The following FLT1 variants were observed in gnomAD, a reference collection of about 807,000 sequenced individuals.
FLT1 encodes the protein vascular endothelial growth factor receptor 1.
Under a neutral mutation model 156.3 loss-of-function variants are expected in FLT1, and 49 were observed. The observed-to-expected ratio is 0.31, with a 90% CI of 0.25 to 0.40. The LOEUF (loss-of-function observed/expected upper bound fraction) is 0.40. FLT1 is among the 10% of genes least tolerant of loss of function. The pLI is 1.00. For missense variants in FLT1, 1,322 were observed against 1,637.2 expected (o/e 0.81, Z 3.32); for synonymous variants, 594 against 583.8 (o/e 1.02, Z -0.25).
chr13:28,492,685 C>T lies in FLT1; in HGVS notation c.64+2095G>A, dbSNP rs146659196. 2.1e-3 allele frequency among the ~76,000 whole-genome samples: 313 copies of T among 152,266 alleles called. 1 individual carries two copies. Among genetic ancestry groups the T allele is most frequent in the Admixed American group, 3.0e-3 (46 of 15,284 alleles). Reference sequence around the variant, plus strand: ...GCAAGAGAACTCTGCAGTGGGGAACCGTGGCTTCTTACTAGACATTGCTTC... The same window carrying T: ...GCAAGAGAACTCTGCAGTGGGGAACTGTGGCTTCTTACTAGACATTGCTTC... On this transcript the variant is annotated intron_variant, in intron 1 of 29. Coordinates refer to ENST00000282397, the MANE Select transcript of FLT1 (RefSeq NM_002019.4).
intron 10 of FLT1, among the ~76,000 whole-genome samples, chr13:28,412,350 C>CTTT (rs71086853): frequency 2.2e-4 from 21 of 93,792 alleles, no homozygotes; most frequent in Middle Eastern, 5.1e-3. Context: ...TTCTTTCTTT[C>CTTT]TCTTTCTTTC....
chr13:28,481,054 CTCAT>C (rs1447389464), intron 1 of FLT1, among the ~76,000 whole-genome samples: 2 of 152,218 alleles, frequency 1.3e-5, no homozygotes, highest in Non-Finnish European at 2.9e-5. Flanking sequence ...CCAAAATGTT[CTCAT>C]TCCAGGTGAC....
At chr13:28,374,782 A>G (rs958376114) in intron 14 of FLT1, among the ~76,000 whole-genome samples, 2 of 151,940 alleles carry the variant, frequency 1.3e-5, no homozygotes, top group African/African-American at 2.4e-5. Flanking sequence ...CAAAGTGCTG[A>G]GATTACAGTT....
rs755860865 is a variant in FLT1 at position 28,430,076 on chromosome 13, C to T, written c.1080G>A (p.Lys360=). 1.2e-6 allele frequency: 2 copies of T among 1,613,266 alleles called. No homozygotes were observed. The highest frequency in any genetic ancestry group is 1.7e-6 in the Non-Finnish European group (2 of 1,179,232). Residue 360 remains lysine (K), a synonymous_variant, in exon 8 of 30, where the codon AAG becomes AAA. Coordinates refer to ENST00000282397, the MANE Select transcript of FLT1 (RefSeq NM_002019.4). ...ATACAACTTCCGGCGAGGGAAATGCCTTCACTTTCATAGAGAGCCGGTAAG... is the reference window on the plus strand; with the variant it reads ...ATACAACTTCCGGCGAGGGAAATGCTTTCACTTTCATAGAGAGCCGGTAAG... The part of the protein sequence containing the change: ...KRSYRLSMKV[K]AFPSPEVVWL...
chr13:28,390,095 T>C lies in FLT1; in HGVS notation c.1670A>G (p.Asn557Ser), dbSNP rs1220519097. 1 of 1,613,432 alleles carries C rather than the reference T, an allele frequency of 6.2e-7. No individual in the cohort carries two copies. Among genetic ancestry groups the C allele is most frequent in the East Asian group, 2.2e-5 (1 of 44,888 alleles). Residue 557 changes from asparagine to serine, a missense_variant, in exon 13 of 30, where the codon AAT becomes AGT. Asn to Ser is a conservative substitution (Grantham distance 46). Around this residue, in one of 3 missense-constraint regions of FLT1, gnomAD observed 991 missense variants for 1,254.8 expected, o/e 0.79. Coordinates refer to ENST00000282397, the MANE Select transcript of FLT1 (RefSeq NM_002019.4). ...NISFYITDVP[N>S]GFHVNLEKMP... ...TTTTTCCAAGTTAACATGAAACCCA[T>C]TTGGCACATCTATAAAATAAGAATA...
At chr13:28,383,589 G>T (rs1269221493) in intron 14 of FLT1, among the ~76,000 whole-genome samples, 1 of 152,128 alleles carries the variant, frequency 6.6e-6, no homozygotes, top group Admixed American at 6.5e-5. Flanking sequence ...CGTGACCTGG[G>T]TGGTAGAGCT....
At chr13:28,444,849 TAAA>T (rs1439444529) in intron 3 of FLT1, among the ~76,000 whole-genome samples, 978 of 10,084 alleles carry the variant, frequency 0.097, 14 homozygotes, top group African/African-American at 0.28. Context: ...TACTAAAATT[TAAA>T]ATTTACGGGA....
intron 10 of FLT1, among the ~76,000 whole-genome samples, chr13:28,415,277 C>T (rs1056199386): frequency 5.3e-5 from 8 of 152,066 alleles, no homozygotes; most frequent in African/African-American, 1.7e-4. Flanking sequence ...GTTGGGAGTT[C>T]GAGACCAGCC....
intron 1 of FLT1, among the ~76,000 whole-genome samples, chr13:28,493,991 G>C (rs1186963341): frequency 1.3e-5 from 2 of 152,232 alleles, no homozygotes; most frequent in Non-Finnish European, 2.9e-5. Context: ...GGCTGCCCTT[G>C]TGGGTCAGGG....
At chr13:28,389,649 G>C (rs1163681281) in intron 13 of FLT1, 147 bp downstream of exon 13, 1 of 1,503,842 alleles carries the variant, frequency 6.6e-7, no homozygotes, top group Non-Finnish European at 8.9e-7. Flanking sequence ...GTTAGCAACA[G>C]TGACAATAAA....
intron 1 of FLT1, among the ~76,000 whole-genome samples, chr13:28,491,672 A>C (rs1881476635): frequency 1.3e-5 from 2 of 152,228 alleles, no homozygotes; most frequent in Admixed American, 6.5e-5. Flanking sequence ...CAGCCCCAGC[A>C]TCATATGGTT....
rs1397547376 is a variant in FLT1, at chr13:28,300,991, CAT to C, written c.*2174_*2175del. On this transcript the variant is annotated 3_prime_UTR_variant, in exon 30 of 30. Coordinates refer to ENST00000282397, the MANE Select transcript of FLT1 (RefSeq NM_002019.4). ...CCATTCTTTGACTGATGGATGGACT[CAT>C]GTATGCTACAAACCTGAGTTTGAAG... 4.3e-6 allele frequency: 1 copy of C among 232,690 alleles called. No individual in the cohort carries two copies. Among genetic ancestry groups the C allele is most frequent in the Non-Finnish European group, 8.5e-6 (1 of 117,804 alleles). 14.4% of individuals were successfully genotyped at this position (232,690 alleles called of 1,614,324 possible).
intron 1 of FLT1, among the ~76,000 whole-genome samples, chr13:28,476,990 C>A (rs938552148): frequency 6.6e-6 from 1 of 152,192 alleles, no homozygotes; most frequent in Non-Finnish European, 1.5e-5. Flanking sequence ...CAGTTTTCAT[C>A]CCATCCATAC....
chr13:28,311,928 A>C, intron 26 of FLT1, 65 bp downstream of exon 26: 1 of 1,245,372 alleles, frequency 8.0e-7, no homozygotes, highest in East Asian at 2.3e-5. Flanking sequence ...TTAAAAAAAA[A>C]ACAAATAAAA....
At position 28,430,186 on chromosome 13, in the gene FLT1, T is replaced by C. The variant is rs751570129; in HGVS notation, c.989-19A>G. 24 of 1,524,742 alleles carry C rather than the reference T, an allele frequency of 1.6e-5. No individual in the cohort carries two copies. The highest frequency in any genetic ancestry group is 2.2e-5 in the Non-Finnish European group (24 of 1,098,638). 94.5% of individuals were successfully genotyped at this position (1,524,742 alleles called of 1,614,324 possible). A position where few individuals can be genotyped will look rare whatever the true frequency, so the allele number is the denominator to read the frequency against. On this transcript the variant is annotated intron_variant, in intron 7 of 29. Coordinates refer to ENST00000282397, the MANE Select transcript of FLT1 (RefSeq NM_002019.4). Reference sequence around the variant, plus strand: ...GCTTTATCTTTGAAAGGAGAAGTGATACATACATTAGAAAAGAATAATTTC... The same window carrying C: ...GCTTTATCTTTGAAAGGAGAAGTGACACATACATTAGAAAAGAATAATTTC...
At chr13:28,442,900 T>C (rs1878414463) in intron 3 of FLT1, among the ~76,000 whole-genome samples, 1 of 152,204 alleles carries the variant, frequency 6.6e-6, no homozygotes, top group African/African-American at 2.4e-5. Context: ...ATATCACCAG[T>C]AAAACCACTT....
chr13:28,357,440 C>G (rs542042258), intron 15 of FLT1, 114 bp downstream of exon 15: 47 of 1,085,704 alleles, frequency 4.3e-5, no homozygotes, highest in Admixed American at 1.9e-4. Context: ...AGAAGGAGGT[C>G]AGGGAAAGGA....
rs1451561785 is a variant in FLT1 at position 28,396,858 on chromosome 13, T to A, written c.1660+102A>T. 5.3e-6 allele frequency: 4 copies of A among 760,564 alleles called. No homozygotes were observed. The Admixed American group carries it at 5.8e-5, about 11-fold the overall frequency. The allele number at this position is 760,564 out of a possible 1,614,324, so 47.1% of individuals were successfully genotyped here. Reference sequence around the variant, plus strand: ...CTCAAAGTTTGACAATTCTATGGAATTAAAAAAAAATCACTCAAGCTATAA... The same window carrying A: ...CTCAAAGTTTGACAATTCTATGGAAATAAAAAAAAATCACTCAAGCTATAA... On this transcript the variant is annotated intron_variant, in intron 12 of 29. Transcript: ENST00000282397.
At chr13:28,475,808 A>AC (rs2137644081) in intron 1 of FLT1, among the ~76,000 whole-genome samples, 1 of 152,328 alleles carries the variant, frequency 6.6e-6, no homozygotes, top group African/African-American at 2.4e-5. Context: ...GATTAAAGTA[A>AC]CCACATTAAA....
Sources: gnomAD v4.1 joint callset for allele counts (sites outside exome capture counted in the v4.1 genomes callset) on GRCh38, gnomAD v4.1.1 for gene constraint, gnomAD v4.1.1 regional missense constraint, MANE v1.5 for transcripts, NCBI Gene and HGNC (gene_info 2026-07-23, HGNC 2026-07-21) for gene names.